The following TMEM51 variants were observed in gnomAD, a reference collection of about 807,000 sequenced individuals.
TMEM51 encodes transmembrane protein 51, also known as chromosome 1 open reading frame 72.
A neutral mutation model predicts 13.6 loss-of-function variants in TMEM51; 8 were observed. That is an observed-to-expected ratio of 0.59 (90% CI 0.35 to 1.07). The LOEUF (loss-of-function observed/expected upper bound fraction) is 1.07. Ranked by LOEUF, TMEM51 falls within the 50% of genes least tolerant of loss-of-function variation. TMEM51 has a pLI of 0.02. For synonymous variants in TMEM51, 147 were observed against 144.4 expected, an observed-to-expected ratio of 1.02 and a Z score of -0.13; for missense variants, 279 against 330.7, an observed-to-expected ratio of 0.84 and a Z score of 1.21.
intron 1 of TMEM51, among the ~76,000 whole-genome samples, chr1:15,186,665 G>C (rs1056618584): frequency 6.6e-6 from 1 of 152,160 alleles, no homozygotes; most frequent in Non-Finnish European, 1.5e-5. Flanking sequence ...TGAGGGGAGT[G>C]GCAGGCACTA....
At chr1:15,165,676 T>A (rs1158996597) in intron 1 of TMEM51, among the ~76,000 whole-genome samples, 1 of 152,214 alleles carries the variant, frequency 6.6e-6, no homozygotes, top group East Asian at 1.9e-4. Context: ...TTCAACAGTA[T>A]TTTTTATAAT....
In TMEM51 at chr1:15,155,421, G is replaced by A. The variant is rs899179837; in HGVS notation, c.-267+1467G>A. Among the ~76,000 whole-genome samples, 5 of 152,238 alleles carry A rather than the reference G, an allele frequency of 3.3e-5. No homozygotes were observed. The East Asian group carries it at 9.6e-4, about 29-fold the overall frequency. ...CCTCAGCTTCTTCATCTGTAAAATG[G>A]GATGATGATCTCCAAGGGCGAGGTG... On this transcript the variant is annotated intron_variant, in intron 1 of 3. Coordinates refer to ENST00000376008, the MANE Select transcript of TMEM51 (RefSeq NM_001136218.2).
intron 1 of TMEM51, among the ~76,000 whole-genome samples, chr1:15,157,287 T>C (rs1642620878): frequency 1.3e-5 from 2 of 152,176 alleles, no homozygotes; most frequent in Non-Finnish European, 2.9e-5. Context: ...CGGAGCAACC[T>C]AAAGTCTCCA....
intron 1 of TMEM51, among the ~76,000 whole-genome samples, chr1:15,162,134 C>T (rs1330885932): frequency 6.6e-6 from 1 of 151,956 alleles, no homozygotes; most frequent in Non-Finnish European, 1.5e-5. Flanking sequence ...ACCAAACACC[C>T]ACTAGGCCCC....
chr1:15,172,387 CAAAAAAAA>C (rs34718626), intron 1 of TMEM51, among the ~76,000 whole-genome samples: 14 of 75,200 alleles, frequency 1.9e-4, no homozygotes, highest in African/African-American at 7.2e-4. Context: ...GACCCTGTCT[CAAAAAAAA>C]AAAAAAAAAA....
chr1:15,157,913 T>C (rs1642642978), intron 1 of TMEM51, among the ~76,000 whole-genome samples: 4 of 152,210 alleles, frequency 2.6e-5, no homozygotes. Context: ...TGGCGTTTTA[T>C]TCAGGTTTTT....
At chr1:15,185,177 T>A (rs1643737686) in intron 1 of TMEM51, among the ~76,000 whole-genome samples, 1 of 152,150 alleles carries the variant, frequency 6.6e-6, no homozygotes, top group South Asian at 2.1e-4. Flanking sequence ...TGCTCAAAAC[T>A]TAGGAGCCCT....
intron 1 of TMEM51, among the ~76,000 whole-genome samples, chr1:15,196,108 C>T (rs1232782927): frequency 2.6e-5 from 4 of 152,216 alleles, no homozygotes; most frequent in East Asian, 1.9e-4. Context: ...GCATGGTGTG[C>T]GCCTAGCTCA....
chr1:15,195,103 G>A (rs1167570346), intron 1 of TMEM51, among the ~76,000 whole-genome samples: 1 of 151,222 alleles, frequency 6.6e-6, no homozygotes, highest in Non-Finnish European at 1.5e-5. Context: ...TTTTTTGTGT[G>A]TGTATTTTTT....
chr1:15,173,778 G>C (rs1305489139), intron 1 of TMEM51, among the ~76,000 whole-genome samples: 1 of 151,590 alleles, frequency 6.6e-6, no homozygotes, highest in Non-Finnish European at 1.5e-5. Flanking sequence ...TGGAATCTTG[G>C]ACATTTTGCC....
At chr1:15,153,050 G>T (rs2100796248), upstream of TMEM51, among the ~76,000 whole-genome samples, 1 of 152,356 alleles carries the variant, frequency 6.6e-6, no homozygotes, top group South Asian at 2.1e-4. Context: ...CGGGACTCGG[G>T]CGTGCGATCC....
At chr1:15,217,360 T>C (rs967712409) in intron 3 of TMEM51, among the ~76,000 whole-genome samples, 28 of 152,304 alleles carry the variant, frequency 1.8e-4, no homozygotes, top group Non-Finnish European at 1.3e-4. Context: ...TGCACATAAT[T>C]GAAAGTGGGT....
Position 15,215,248 on chromosome 1 carries a change from G to T in TMEM51, c.161G>T (p.Gly54Val). The change falls in exon 3 of 4, where the codon GGT becomes GTT. Residue 54 changes from glycine (G) to valine (V), a missense_variant. Coordinates refer to ENST00000376008, the MANE Select transcript of TMEM51 (RefSeq NM_001136218.2). Reference protein sequence around the residue: ...TAQGSNKTEVGGGILKSKTFS... With the variant: ...TAQGSNKTEVVGGILKSKTFS... ...CAGGGCAGCAACAAGACCGAGGTGG[G>T]TGGCGGCATCCTCAAGAGCAAGACC... The T allele has an allele frequency of 1.2e-6, 2 of 1,614,244 alleles. No individual in the cohort carries two copies. Among genetic ancestry groups the T allele is most frequent in the Non-Finnish European group, 1.7e-6 (2 of 1,180,038 alleles).
chr1:15,219,122 C>G (rs1485475245), intron 3 of TMEM51, among the ~76,000 whole-genome samples: 1 of 152,232 alleles, frequency 6.6e-6, no homozygotes, highest in Non-Finnish European at 1.5e-5. Context: ...TGTCAGGAAT[C>G]TGAAATTGGT....
At chr1:15,196,873 T>G (rs769600572) in intron 1 of TMEM51, among the ~76,000 whole-genome samples, 6 of 152,252 alleles carry the variant, frequency 3.9e-5, no homozygotes, top group Non-Finnish European at 8.8e-5. Flanking sequence ...AAGTGTTGAC[T>G]AGAATTCAGT....
chr1:15,178,466 G>T (rs1166341793), intron 1 of TMEM51, among the ~76,000 whole-genome samples: 1 of 152,168 alleles, frequency 6.6e-6, no homozygotes, highest in Non-Finnish European at 1.5e-5. Context: ...GATTCTGTAA[G>T]TCCTTCATCT....
intron 3 of TMEM51, 51 bp downstream of exon 3, chr1:15,215,482 G>A (rs752939401): frequency 1.5e-4 from 223 of 1,470,446 alleles, no homozygotes; most frequent in Admixed American, 3.3e-4. Flanking sequence ...GGGCACGCAC[G>A]CATGCACACA....
intron 1 of TMEM51, among the ~76,000 whole-genome samples, chr1:15,209,479 T>C (rs923164633): frequency 3.3e-5 from 5 of 152,202 alleles, no homozygotes; most frequent in African/African-American, 7.2e-5. Flanking sequence ...AGCAACATAT[T>C]GTTTGGTTTT....
chr1:15,158,613 G>A lies in TMEM51; in HGVS notation c.-267+4659G>A, dbSNP rs931905357. Among the ~76,000 whole-genome samples, 17 of 152,164 alleles carry A rather than the reference G, an allele frequency of 1.1e-4. 1 individual carries two copies. The highest frequency in any genetic ancestry group is 2.1e-4 in the South Asian group (1 of 4,824). ...AAACCCTGGCTCTTGCAGAGTAGGC[G>A]TTTCAATAGCAAAGATGTGCAGAGA... is the stretch of plus-strand genomic sequence containing the variant. On this transcript the variant is annotated intron_variant, in intron 1 of 3. Transcript: ENST00000376008.
Sources: gnomAD v4.1 joint callset for allele counts (sites outside exome capture counted in the v4.1 genomes callset) on GRCh38, gnomAD v4.1.1 for gene constraint, MANE v1.5 for transcripts, NCBI Gene and HGNC (gene_info 2026-07-23, HGNC 2026-07-21) for gene names.